Variants in MAP3K5 observed in about 807,000 individuals in gnomAD.
The protein encoded by MAP3K5 is ASK-1.
A neutral mutation model predicts 158.7 loss-of-function variants in MAP3K5; 56 were observed. The ratio of observed to expected loss-of-function variants is 0.35; its 90% CI spans 0.28 to 0.44. MAP3K5 has a LOEUF of 0.44. Ranked by LOEUF, MAP3K5 falls within the 20% of genes least tolerant of loss-of-function variation. The pLI, the probability that MAP3K5 is intolerant of heterozygous loss-of-function variation, is 1.00. For missense variants in MAP3K5, 1,294 were observed against 1,674.8 expected (o/e 0.77, Z 3.97); for synonymous variants, 579 against 601.7 (o/e 0.96, Z 0.55).
At chr6:136,770,186 C>T (rs754110492) in intron 1 of MAP3K5, among the ~76,000 whole-genome samples, 41 of 152,040 alleles carry the variant, frequency 2.7e-4, no homozygotes, top group Non-Finnish European at 5.0e-4. Context: ...CATGTTGGGG[C>T]ATCTCTCCCC....
intron 2 of MAP3K5, among the ~76,000 whole-genome samples, chr6:136,717,053 G>C (rs1051422859): frequency 6.6e-6 from 1 of 151,590 alleles, no homozygotes; most frequent in African/African-American, 2.4e-5. Context: ...AGCTACTCTG[G>C]AGGCGGAGGT....
chr6:136,718,113 T>C (rs928751006), intron 2 of MAP3K5, among the ~76,000 whole-genome samples: 6 of 152,244 alleles, frequency 3.9e-5, no homozygotes, highest in Non-Finnish European at 5.9e-5. Context: ...AGGCAAATGA[T>C]TGAATTTCTT....
At chr6:136,757,579 A>ATTTATTTTTTTTTTTTTTT (rs1562679137) in intron 1 of MAP3K5, among the ~76,000 whole-genome samples, 1 of 111,972 alleles carries the variant, frequency 8.9e-6, no homozygotes, top group Non-Finnish European at 2.0e-5. Context: ...TTATTTATTT[A>ATTTATTTTTTTTTTTTTTT]TTTTTTATTT....
At chr6:136,568,947 C>T (rs983305139) in intron 25 of MAP3K5, among the ~76,000 whole-genome samples, 2 of 151,202 alleles carry the variant, frequency 1.3e-5, no homozygotes, top group Non-Finnish European at 2.9e-5. Context: ...AACCACCTAC[C>T]CCCAGGCCAA....
chr6:136,656,485 T>C (rs1033758846), intron 9 of MAP3K5, 25 bp from the exon 10 acceptor site: 3 of 1,479,570 alleles, frequency 2.0e-6, no homozygotes, highest in Admixed American at 2.2e-5. Flanking sequence ...ATATAAAACA[T>C]GTAACAGACA....
At chr6:136,702,987 C>T (rs1236211205) in intron 3 of MAP3K5, among the ~76,000 whole-genome samples, 2 of 152,292 alleles carry the variant, frequency 1.3e-5, no homozygotes, top group Admixed American at 6.5e-5. Flanking sequence ...TGAGCCACTG[C>T]CCTGGCTCCT....
chr6:136,752,793 G>A (rs1326162493), intron 1 of MAP3K5, among the ~76,000 whole-genome samples: 1 of 152,210 alleles, frequency 6.6e-6, no homozygotes, highest in Non-Finnish European at 1.5e-5. Context: ...CAAAAGCACA[G>A]AGCTGTGAAA....
chr6:136,694,933 G>C (rs1034638446), intron 6 of MAP3K5, among the ~76,000 whole-genome samples: 6 of 152,058 alleles, frequency 3.9e-5, no homozygotes, highest in African/African-American at 1.4e-4. Flanking sequence ...AAGTGAAAGA[G>C]GTCAGTCACA....
chr6:136,653,202 A>G (rs1410673640), intron 10 of MAP3K5, among the ~76,000 whole-genome samples: 1 of 152,192 alleles, frequency 6.6e-6, no homozygotes, highest in Non-Finnish European at 1.5e-5. Flanking sequence ...AGGAAAGGAA[A>G]TATACCAAGA....
intron 11 of MAP3K5, among the ~76,000 whole-genome samples, chr6:136,644,958 A>T (rs1459466971): frequency 4.0e-5 from 6 of 151,840 alleles, no homozygotes; most frequent in Non-Finnish European, 5.9e-5. Flanking sequence ...CTCAAAATTT[A>T]TTTTTTTCCA....
intron 1 of MAP3K5, among the ~76,000 whole-genome samples, chr6:136,728,273 T>C (rs896407839): frequency 6.6e-6 from 1 of 152,216 alleles, no homozygotes; most frequent in Non-Finnish European, 1.5e-5. Context: ...ATATCTCACA[T>C]GAGTTGCTGC....
At chr6:136,703,544 G>A (rs748983914) in intron 3 of MAP3K5, among the ~76,000 whole-genome samples, 19 of 152,174 alleles carry the variant, frequency 1.2e-4, no homozygotes, top group Non-Finnish European at 2.4e-4. Context: ...AAAGCCTGGC[G>A]TGCAGCGCAT....
chr6:136,695,567 T>C (rs564892677), intron 6 of MAP3K5, among the ~76,000 whole-genome samples: 3 of 152,376 alleles, frequency 2.0e-5, no homozygotes, highest in Non-Finnish European at 4.4e-5. Flanking sequence ...TATGTTCACC[T>C]AGACATAACC....
chr6:136,576,789 C>T (rs1774639249), intron 25 of MAP3K5, among the ~76,000 whole-genome samples: 2 of 152,134 alleles, frequency 1.3e-5, no homozygotes, highest in South Asian at 2.1e-4. Context: ...AAGGATGGAT[C>T]GCATATATTA....
intron 1 of MAP3K5, among the ~76,000 whole-genome samples, chr6:136,775,220 A>C (rs1015560210): frequency 4.6e-5 from 7 of 152,236 alleles, no homozygotes; most frequent in African/African-American, 1.7e-4. Context: ...CAAGCTTATA[A>C]GCAACTAGGC....
intron 1 of MAP3K5, among the ~76,000 whole-genome samples, chr6:136,747,736 G>A (rs555107078): frequency 1.7e-4 from 26 of 152,344 alleles, no homozygotes; most frequent in Non-Finnish European, 2.6e-4. Flanking sequence ...TGAGCTGTGT[G>A]ACATTGGGGT....
At chr6:136,769,790 A>AT (rs1784113472) in intron 1 of MAP3K5, among the ~76,000 whole-genome samples, 1 of 48,800 alleles carries the variant, frequency 2.0e-5, no homozygotes, top group Non-Finnish European at 3.8e-5. Context: ...GAAGGAAGGA[A>AT]GGAAGGGAGG....
chr6:136,663,151 A>G (rs775135742), intron 8 of MAP3K5, among the ~76,000 whole-genome samples: 6 of 100,332 alleles, frequency 6.0e-5, no homozygotes, highest in Admixed American at 2.4e-4. Flanking sequence ...TCCCTTTTGT[A>G]GTAAGGAAAA....
intron 1 of MAP3K5, among the ~76,000 whole-genome samples, chr6:136,748,357 GTTAT>G (rs1411769082): frequency 6.6e-6 from 1 of 152,154 alleles, no homozygotes; most frequent in Non-Finnish European, 1.5e-5. Context: ...GCATGTAGGA[GTTAT>G]TTATATCCTA....
Sources: allele counts gnomAD v4.1 joint callset (sites outside exome capture counted in the v4.1 genomes callset), GRCh38; gene constraint gnomAD v4.1.1; transcripts MANE v1.5; gene names NCBI Gene and HGNC (gene_info 2026-07-23, HGNC 2026-07-21).